GSG1L: variants seen among roughly 807,000 people sequenced by gnomAD.
The protein encoded by GSG1L is germ cell-specific gene 1-like protein.
GSG1L carries 24 observed loss-of-function variants against 42.1 expected under a neutral mutation model. The ratio of observed to expected loss-of-function variants is 0.57; its 90% CI spans 0.41 to 0.80. The LOEUF (loss-of-function observed/expected upper bound fraction) is 0.80. Among genes scored for constraint, GSG1L ranks in the 30% least tolerant of loss-of-function variants. The pLI, the probability that GSG1L is intolerant of heterozygous loss-of-function variation, is 0.00. For synonymous variants in GSG1L, 215 were observed against 203.5 expected (o/e 1.06, Z -0.48); for missense variants, 445 against 472.2 (o/e 0.94, Z 0.53).
intron 1 of GSG1L, among the ~76,000 whole-genome samples, chr16:28,050,931 TA>T (rs1275038004): frequency 6.6e-6 from 1 of 152,220 alleles, no homozygotes; most frequent in Non-Finnish European, 1.5e-5. Context: ...AAGGGCTTAA[TA>T]AATTTAGGTT....
chr16:27,840,046 T>C (rs58568734), intron 4 of GSG1L, among the ~76,000 whole-genome samples: 12 of 107,132 alleles, frequency 1.1e-4, no homozygotes, highest in Admixed American at 2.0e-4. Context: ...TTTTTTTTTT[T>C]TTTTTTTGAG....
intron 3 of GSG1L, among the ~76,000 whole-genome samples, chr16:27,877,684 T>C (rs1158374016): frequency 1.3e-5 from 2 of 152,110 alleles, no homozygotes; most frequent in Admixed American, 1.3e-4. Context: ...TGACCCTTTT[T>C]CTCCCTTCAC....
At chr16:28,044,100 A>G (rs1447630205) in intron 1 of GSG1L, among the ~76,000 whole-genome samples, 4 of 152,112 alleles carry the variant, frequency 2.6e-5, no homozygotes, top group African/African-American at 7.2e-5. Context: ...GCTGACCTCA[A>G]CAGATACCAG....
At chr16:27,966,457 C>T (rs2085134977) in intron 1 of GSG1L, among the ~76,000 whole-genome samples, 1 of 152,102 alleles carries the variant, frequency 6.6e-6, no homozygotes, top group Non-Finnish European at 1.5e-5. Context: ...GTAAGCTGTA[C>T]TCCAGCCTGG....
At chr16:27,957,557 G>A (rs1289176839) in intron 2 of GSG1L, among the ~76,000 whole-genome samples, 1 of 152,154 alleles carries the variant, frequency 6.6e-6, no homozygotes, top group Non-Finnish European at 1.5e-5. Flanking sequence ...AGGTAAATGA[G>A]AAATTATGCT....
At chr16:27,878,689 A>G (rs903945884) in intron 3 of GSG1L, among the ~76,000 whole-genome samples, 3 of 152,184 alleles carry the variant, frequency 2.0e-5, no homozygotes, top group Non-Finnish European at 2.9e-5. Flanking sequence ...TTCCACCTTC[A>G]GCCTCCCAAA....
rs139997971 is a variant in GSG1L, at chr16:27,897,390, C to T, written c.398-12752G>A. Among the ~76,000 whole-genome samples the T allele has an allele frequency of 3.5e-3, 528 of 152,310 alleles. 3 individuals carry two copies. Among genetic ancestry groups the T allele is most frequent in the African/African-American group, 0.012 (506 of 41,576 alleles). On this transcript the variant is annotated intron_variant, in intron 2 of 6. Transcript: ENST00000447459. ...CACAGCTCACTGCAACCTCCAACTC[C>T]TGGGCTCAAGTGATCTTCCCACCTC...
intron 5 of GSG1L, among the ~76,000 whole-genome samples, chr16:27,817,527 A>G (rs1248507140): frequency 2.6e-5 from 4 of 151,502 alleles, no homozygotes; most frequent in African/African-American, 9.7e-5. Flanking sequence ...GTCTTGCCCT[A>G]TTGCCCAGCC....
chr16:28,009,608 C>T (rs745789225), intron 1 of GSG1L, among the ~76,000 whole-genome samples: 3 of 152,348 alleles, frequency 2.0e-5, no homozygotes, highest in Non-Finnish European at 2.9e-5. Flanking sequence ...TCATTACCCC[C>T]GTCTCTGGCC....
chr16:27,909,242 T>C (rs1347083926), intron 2 of GSG1L, among the ~76,000 whole-genome samples: 4 of 152,168 alleles, frequency 2.6e-5, no homozygotes, highest in African/African-American at 9.7e-5. Context: ...TGTGAGACTT[T>C]GGGCCCCAGA....
At chr16:27,922,655 C>G (rs896480699) in intron 2 of GSG1L, among the ~76,000 whole-genome samples, 1 of 152,172 alleles carries the variant, frequency 6.6e-6, no homozygotes, top group Non-Finnish European at 1.5e-5. Flanking sequence ...ATACATTTGC[C>G]CCAGGGTTAG....
At chr16:27,924,302 A>G (rs1034155352) in intron 2 of GSG1L, among the ~76,000 whole-genome samples, 55 of 146,642 alleles carry the variant, frequency 3.8e-4, no homozygotes, top group African/African-American at 1.4e-3. Context: ...TACTTCATAT[A>G]ATGTATATGC....
intron 1 of GSG1L, among the ~76,000 whole-genome samples, chr16:28,035,570 G>A (rs368631046): frequency 6.6e-6 from 1 of 152,054 alleles, no homozygotes; most frequent in South Asian, 2.1e-4. Flanking sequence ...ATAAAATATC[G>A]GGAAGCACTT....
At chr16:27,938,501 G>T (rs1189049709) in intron 2 of GSG1L, among the ~76,000 whole-genome samples, 1 of 152,184 alleles carries the variant, frequency 6.6e-6, no homozygotes, top group Non-Finnish European at 1.5e-5. Flanking sequence ...AACACTGGCT[G>T]GAGCCTTGAG....
intron 1 of GSG1L, among the ~76,000 whole-genome samples, chr16:28,024,565 C>T (rs1346647195): frequency 6.6e-6 from 1 of 152,176 alleles, no homozygotes; most frequent in African/African-American, 2.4e-5. Context: ...GTGGCCTTCG[C>T]TGTTGAGGGC....
chr16:28,007,374 G>A (rs907483007), intron 1 of GSG1L, among the ~76,000 whole-genome samples: 9 of 152,180 alleles, frequency 5.9e-5, no homozygotes, highest in African/African-American at 2.2e-4. Flanking sequence ...GAAAAGGCAA[G>A]GAAACCTCCT....
intron 2 of GSG1L, among the ~76,000 whole-genome samples, chr16:27,957,041 A>G (rs994260222): frequency 2.6e-5 from 4 of 152,230 alleles, no homozygotes; most frequent in African/African-American, 7.2e-5. Context: ...TTTTCTCTGC[A>G]TGTTCAGTAT....
chr16:27,961,261 C>A (rs148586301), intron 2 of GSG1L, among the ~76,000 whole-genome samples: 21 of 152,356 alleles, frequency 1.4e-4, no homozygotes, highest in African/African-American at 4.3e-4. Context: ...TGCACACTCA[C>A]CCTTACCCGG....
At chr16:28,032,434 T>C (rs2085976004) in intron 1 of GSG1L, among the ~76,000 whole-genome samples, 1 of 152,138 alleles carries the variant, frequency 6.6e-6, no homozygotes, top group Admixed American at 6.5e-5. Context: ...AATAGATTCA[T>C]ACGTTGATGT....
Sources: gnomAD v4.1 joint callset for allele counts (sites outside exome capture counted in the v4.1 genomes callset) on GRCh38, gnomAD v4.1.1 for gene constraint, MANE v1.5 for transcripts, NCBI Gene and HGNC (gene_info 2026-07-23, HGNC 2026-07-21) for gene names.